Variants in CSMD2 observed in about 807,000 individuals in gnomAD.
CSMD2 encodes CUB and sushi domain-containing protein 2.
In CSMD2, 130 loss-of-function variants were observed where a neutral mutation model predicts 398.5. The observed-to-expected ratio is 0.33, with a 90% CI of 0.28 to 0.38. The LOEUF (loss-of-function observed/expected upper bound fraction) is 0.38, where lower values mean the gene tolerates loss of function less well. Among genes scored for constraint, CSMD2 ranks in the 10% least tolerant of loss-of-function variants. The pLI, the probability that CSMD2 is intolerant of heterozygous loss-of-function variation, is 1.00. For missense variants in CSMD2, 3,829 were observed against 4,764.9 expected, an observed-to-expected ratio of 0.80 and a Z score of 5.78; for synonymous variants, 1,828 against 1,908.5, an observed-to-expected ratio of 0.96 and a Z score of 1.10.
chr1:33,805,247 A>G (rs1245505823), intron 10 of CSMD2, among the ~76,000 whole-genome samples: 1 of 152,230 alleles, frequency 6.6e-6, no homozygotes, highest in Non-Finnish European at 1.5e-5. Context: ...CCCAAGGAAG[A>G]GCCCTCTAGT....
At chr1:33,988,779 T>C (rs796300077) in intron 3 of CSMD2, among the ~76,000 whole-genome samples, 9 of 151,862 alleles carry the variant, frequency 5.9e-5, no homozygotes, top group African/African-American at 2.2e-4. Context: ...TGTATCGGCA[T>C]CTTATTCAAA....
rs1043409246 is a variant in CSMD2, at chr1:33,557,894, T to C, written c.8583A>G (p.Gln2861=). 1.9e-5 allele frequency: 29 copies of C among 1,536,040 alleles called. No individual in the cohort carries two copies. In the African/African-American group the frequency reaches 4.0e-4, roughly 21 times the overall value. Residue 2861 remains glutamine (Q), a synonymous_variant, in exon 55 of 71, where the codon CAA becomes CAG. Transcript: ENST00000373381. ...RIINCTDPGH[Q]ENSVRQVHAS... is the part of the protein sequence containing the mutation. ...CGTGGACCTGACGAACACTATTTTC[T>C]TGGTGTCCAGGATCTGTACAGTTGA...
intron 3 of CSMD2, among the ~76,000 whole-genome samples, chr1:33,985,110 A>G (rs1646310599): frequency 6.6e-6 from 1 of 152,196 alleles, no homozygotes; most frequent in Admixed American, 6.5e-5. Context: ...TGTGTGCAGT[A>G]ACGCAATGCC....
At chr1:34,079,241 T>C (rs540557347) in intron 2 of CSMD2, among the ~76,000 whole-genome samples, 1 of 152,230 alleles carries the variant, frequency 6.6e-6, no homozygotes, top group South Asian at 2.1e-4. Flanking sequence ...TATTCAATAT[T>C]ATACTGGAGG....
intron 5 of CSMD2, among the ~76,000 whole-genome samples, chr1:33,866,717 C>A (rs548450969): frequency 2.0e-5 from 3 of 152,210 alleles, no homozygotes; most frequent in Non-Finnish European, 4.4e-5. Flanking sequence ...CTCCCTGGGG[C>A]CCTTGCTCCT....
chr1:33,742,477 T>C (rs1647102165), intron 14 of CSMD2, among the ~76,000 whole-genome samples: 1 of 152,086 alleles, frequency 6.6e-6, no homozygotes, highest in Non-Finnish European at 1.5e-5. Flanking sequence ...CACTTGACTG[T>C]TTGTCATCAG....
intron 5 of CSMD2, among the ~76,000 whole-genome samples, chr1:33,888,978 G>A (rs2125198112): frequency 6.6e-6 from 1 of 152,124 alleles, no homozygotes; most frequent in Admixed American, 6.5e-5. Context: ...CACCATGTTA[G>A]CCAGGACAGT....
At chr1:33,667,057 G>C (rs1175505499) in intron 25 of CSMD2, among the ~76,000 whole-genome samples, 1 of 152,128 alleles carries the variant, frequency 6.6e-6, no homozygotes, top group Non-Finnish European at 1.5e-5. Flanking sequence ...GAGTTCAGGT[G>C]GTATTAGGAT....
At chr1:34,127,710 T>C (rs990696312) in intron 1 of CSMD2, among the ~76,000 whole-genome samples, 1 of 151,840 alleles carries the variant, frequency 6.6e-6, no homozygotes, top group African/African-American at 2.4e-5. Context: ...GTGCTGGGCG[T>C]AGGTTAGAGA....
intron 27 of CSMD2, 121 bp downstream of exon 27, chr1:33,657,825 A>G: frequency 1.0e-6 from 1 of 979,710 alleles, no homozygotes; most frequent in Non-Finnish European, 1.5e-6. Context: ...GTTTTCTGCA[A>G]CTTTTGTCTG....
chr1:33,704,007 C>T (rs1315963089), intron 22 of CSMD2, among the ~76,000 whole-genome samples: 1 of 152,168 alleles, frequency 6.6e-6, no homozygotes, highest in Admixed American at 6.5e-5. Flanking sequence ...CTCTGTGCAT[C>T]CATGAGAATG....
intron 3 of CSMD2, among the ~76,000 whole-genome samples, chr1:33,988,775 G>A (rs934096558): frequency 1.3e-5 from 2 of 151,506 alleles, no homozygotes; most frequent in African/African-American, 2.4e-5. Flanking sequence ...ATGTTGTATC[G>A]GCATCTTATT....
At position 34,113,047 on chromosome 1, in the gene CSMD2, AAAG is replaced by A. The variant is rs1661248589; in HGVS notation, c.188-23857_188-23855del. The A allele has an allele frequency of 2.0e-5, 3 of 152,304 alleles. No individual in the cohort carries two copies. In the South Asian group the frequency reaches 6.2e-4, roughly 32 times the overall value. 9.4% of individuals were successfully genotyped at this position (152,304 alleles called of 1,614,324 possible). ...AGTACTTGGACGGGAGAAAGGAGAA[AAAG>A]AAGGACATGGATGGGAAGGTAGGAC... On this transcript the variant is annotated intron_variant, in intron 1 of 70. Transcript: ENST00000373381.
At chr1:34,041,852 C>T (rs927592471) in intron 2 of CSMD2, among the ~76,000 whole-genome samples, 8 of 152,198 alleles carry the variant, frequency 5.3e-5, no homozygotes, top group African/African-American at 1.4e-4. Context: ...TTGGGCTCCA[C>T]GCAGAGAAGA....
At chr1:33,819,686 A>C (rs776191800) in intron 9 of CSMD2, 27 bp downstream of exon 9, 9 of 1,608,874 alleles carry the variant, frequency 5.6e-6, no homozygotes, top group Non-Finnish European at 6.8e-6. Flanking sequence ...CTCTCTGGCC[A>C]GCCTCCCTTC....
chr1:33,808,098 C>T (rs1296500273), intron 10 of CSMD2, among the ~76,000 whole-genome samples: 2 of 152,044 alleles, frequency 1.3e-5, no homozygotes, highest in Non-Finnish European at 2.9e-5. Flanking sequence ...AACTTTGATG[C>T]TCTAATAACA....
In CSMD2 at chr1:33,518,650, G is replaced by A. The variant is rs558635067; in HGVS notation, c.*53+815C>T. ...TGTGGGCCTCGTTCAATCAGCTGAAGGCCTTAAGAAAAAGACTGAGGTGCT... is the reference window on the plus strand; with the variant it reads ...TGTGGGCCTCGTTCAATCAGCTGAAAGCCTTAAGAAAAAGACTGAGGTGCT... On this transcript the variant is annotated intron_variant, in intron 70 of 70. Transcript: ENST00000373381. This position sits in a 1 kb window ranked among gnomAD's most constrained non-coding sequence, Gnocchi z 4.3. Among the ~76,000 whole-genome samples the A allele has an allele frequency of 6.6e-6, 1 of 152,236 alleles. No individual in the cohort carries two copies. The highest frequency in any genetic ancestry group is 2.4e-5 in the African/African-American group (1 of 41,546).
At chr1:34,040,182 T>A (rs1295100961) in intron 2 of CSMD2, among the ~76,000 whole-genome samples, 1 of 136,404 alleles carries the variant, frequency 7.3e-6, no homozygotes, top group African/African-American at 2.8e-5. Context: ...AAAAGTGAGA[T>A]CCTGACTCAA....
At chr1:33,544,352 C>T (rs1360471436) in intron 57 of CSMD2, among the ~76,000 whole-genome samples, 1 of 151,034 alleles carries the variant, frequency 6.6e-6, no homozygotes, top group Non-Finnish European at 1.5e-5. Flanking sequence ...CTCCTGACCT[C>T]GTGATCCACC....
Sources: allele counts gnomAD v4.1 joint callset (sites outside exome capture counted in the v4.1 genomes callset), GRCh38; gene constraint gnomAD v4.1.1; non-coding constraint Gnocchi (gnomAD v3.1); transcripts MANE v1.5; gene names NCBI Gene and HGNC (gene_info 2026-07-23, HGNC 2026-07-21).